Variants in NLRP7 observed in about 807,000 individuals in gnomAD.
The protein encoded by NLRP7 is NACHT, LRR and PYD domains-containing protein 7.
A neutral mutation model predicts 85.5 loss-of-function variants in NLRP7; 72 were observed. The ratio of observed to expected loss-of-function variants is 0.84; its 90% CI spans 0.70 to 1.02. NLRP7 has a LOEUF of 1.02. Ranked by LOEUF, NLRP7 falls within the 50% of genes least tolerant of loss-of-function variation. NLRP7 has a pLI of 0.00. For missense variants in NLRP7, 1,243 were observed against 1,219.5 expected, an observed-to-expected ratio of 1.02 and a Z score of -0.29; for synonymous variants, 550 against 505.2, an observed-to-expected ratio of 1.09 and a Z score of -1.19.
chr19:54,956,664 A>G (rs914087692), intron 1 of NLRP7, among the ~76,000 whole-genome samples: 1 of 150,956 alleles, frequency 6.6e-6, no homozygotes, highest in African/African-American at 2.4e-5. Flanking sequence ...TTTGCACTCC[A>G]GCCTGGGAGA....
At chr19:54,955,798 G>A (rs1310183056) in intron 1 of NLRP7, among the ~76,000 whole-genome samples, 1 of 151,970 alleles carries the variant, frequency 6.6e-6, no homozygotes, top group African/African-American at 2.4e-5. Flanking sequence ...AGTGAGCTGT[G>A]ATCCTCAACC....
Position 54,926,693 on chromosome 19 carries a change from ATCACCTGAGGTCAGG to A in NLRP7, c.2811-2836_2811-2822del, listed in dbSNP as rs1373931239. ...CACTTTGGGAGGCCAAGGCGAGAAG[ATCACCTGAGGTCAGG>A]AGCTCGAGACCAGCCTGGCCAACAT... On this transcript the variant is annotated intron_variant, in intron 9 of 9. Coordinates refer to ENST00000340844, the Ensembl canonical transcript of NLRP7. Among the ~76,000 whole-genome samples, 4 of 152,042 alleles carry A rather than the reference ATCACCTGAGGTCAGG, an allele frequency of 2.6e-5. No individual in the cohort carries two copies. In the South Asian group the frequency reaches 8.3e-4, roughly 32 times the overall value.
intron 1 of NLRP7, among the ~76,000 whole-genome samples, chr19:54,962,821 C>G (rs775847): frequency 0.65 from 95,831 of 146,544 alleles, 31,719 homozygotes; most frequent in African/African-American, 0.8. Flanking sequence ...GGATGGTCTC[C>G]ATCTCCTGAC....
chr19:54,952,276 T>C (rs1370120628), upstream of NLRP7, among the ~76,000 whole-genome samples: 1 of 151,926 alleles, frequency 6.6e-6, no homozygotes, highest in Non-Finnish European at 1.5e-5. Context: ...GGCCACACTC[T>C]GGCCCACACC....
At chr19:54,960,846 C>T (rs550974967) in intron 1 of NLRP7, among the ~76,000 whole-genome samples, 2 of 151,970 alleles carry the variant, frequency 1.3e-5, no homozygotes, top group South Asian at 2.1e-4. Flanking sequence ...CCGCTTGCCT[C>T]GGCCTCCCAA....
rs752964839 is a variant in NLRP7 at position 54,954,398 on chromosome 19, CG to C, written c.-76-6894del. On this transcript the variant is annotated intron_variant, in intron 1 of 2. Coordinates refer to the NLRP7 transcript ENST00000587103. ...ACAACTAATTAGCTGGGTGCGGTGGCGGGCGCCTGTAGTCCCAGCTACTCGG... is the reference window on the plus strand; with the variant it reads ...ACAACTAATTAGCTGGGTGCGGTGGCGGCGCCTGTAGTCCCAGCTACTCGG... 1.2e-3 allele frequency among the ~76,000 whole-genome samples: 173 copies of C among 145,040 alleles called. 13 individuals carry two copies. The highest frequency in any genetic ancestry group is 1.4e-3 in the Non-Finnish European group (91 of 66,318).
At chr19:54,954,552 AGGG>A in intron 1 of NLRP7, among the ~76,000 whole-genome samples, 1 of 147,560 alleles carries the variant, frequency 6.8e-6, no homozygotes, top group African/African-American at 2.5e-5. Context: ...AAAAAAAAAA[AGGG>A]CAACCGAGGC....
At chr19:54,962,463 A>T (rs775841) in intron 1 of NLRP7, among the ~76,000 whole-genome samples, 1 of 149,876 alleles carries the variant, frequency 6.7e-6, no homozygotes, top group Non-Finnish European at 1.5e-5. Context: ...TAGAGATGGG[A>T]TTTCACCATG....
chr19:54,934,564 T>C lies in NLRP7; in HGVS notation c.2396A>G (p.Asn799Ser), dbSNP rs556133069. The C allele has an allele frequency of 3.9e-5, 63 of 1,614,054 alleles. No homozygotes were observed. The South Asian group carries it at 6.3e-4, about 16-fold the overall frequency. The change falls in exon 7 of 10, where the codon AAT (asparagine) becomes AGT (serine). Residue 799 changes from asparagine (N) to serine (S), a missense_variant. Asn to Ser is a conservative substitution (Grantham distance 46). Transcript: ENST00000340844. The surrounding 1 kb of genome is among the most constrained non-coding windows in gnomAD (Gnocchi z 6.7). ...CATGGCACCCTCATCCAGGAGCACATTGGCTGAGAGACGCAGGTGCTTCAG... is the reference window on the plus strand; with the variant it reads ...CATGGCACCCTCATCCAGGAGCACACTGGCTGAGAGACGCAGGTGCTTCAG...
chr19:54,925,012 T>C (rs911407793), intron 9 of NLRP7, among the ~76,000 whole-genome samples: 22 of 151,526 alleles, frequency 1.5e-4, no homozygotes, highest in African/African-American at 5.3e-4. Flanking sequence ...AACCCCAGGG[T>C]TAATGATAGC....
chr19:54,962,656 G>A lies in NLRP7; in HGVS notation c.-77+3384C>T, dbSNP rs1041493044. On this transcript the variant is annotated intron_variant, in intron 1 of 2. Coordinates refer to the NLRP7 transcript ENST00000587103. ...GCTCTGTCACCCAGGCTGGAGTGCA[G>A]TGGCGCGATCTCAGCTCACTGCAAG... 3.3e-5 allele frequency among the ~76,000 whole-genome samples: 5 copies of A among 150,450 alleles called. No individual in the cohort carries two copies. In the East Asian group the frequency reaches 9.9e-4, roughly 30 times the overall value.
At chr19:54,953,590 G>C (rs946898128) in intron 1 of NLRP7, among the ~76,000 whole-genome samples, 4 of 148,678 alleles carry the variant, frequency 2.7e-5, no homozygotes, top group East Asian at 1.9e-4. Context: ...CATTCCTGGG[G>C]CGCGGGGCTG....
chr19:54,947,858 GA>G (rs1187748828), upstream of NLRP7: 6 of 201,298 alleles, frequency 3.0e-5, no homozygotes, highest in East Asian at 1.5e-4. Context: ...CTCTTGTAGA[GA>G]AAAAAAATTA....
intron 5 of NLRP7, among the ~76,000 whole-genome samples, chr19:54,936,937 G>A (rs2068955396): frequency 1.3e-5 from 2 of 151,566 alleles, no homozygotes; most frequent in African/African-American, 2.4e-5. Flanking sequence ...AATTCGCCGG[G>A]TGTGGTGGCT....
intron 1 of NLRP7, among the ~76,000 whole-genome samples, chr19:54,960,038 C>G (rs2069987124): frequency 1.3e-5 from 2 of 152,018 alleles, no homozygotes; most frequent in African/African-American, 4.8e-5. Context: ...ATACTCTGTT[C>G]TAACCACGTA....
At chr19:54,951,291 A>G (rs1372945871), upstream of NLRP7, among the ~76,000 whole-genome samples, 1 of 152,160 alleles carries the variant, frequency 6.6e-6, no homozygotes, top group East Asian at 1.9e-4. Context: ...TCAGGCCTGT[A>G]ATCCCAGCAC....
intron 1 of NLRP7, among the ~76,000 whole-genome samples, chr19:54,954,016 A>C (rs1236953482): frequency 6.7e-6 from 1 of 148,758 alleles, no homozygotes; most frequent in Non-Finnish European, 1.5e-5. Context: ...CAAAAAAATA[A>C]AAAATAAATA....
chr19:54,940,008 C>T (rs148806846), exon 4 of NLRP7: 10 of 1,614,046 alleles, frequency 6.2e-6, no homozygotes, highest in Non-Finnish European at 8.5e-6. Context: ...TCCCAGTCCC[C>T]GCAGATGTCC....
upstream of NLRP7, among the ~76,000 whole-genome samples, chr19:54,949,257 G>A (rs377583797): frequency 6.0e-5 from 9 of 149,890 alleles, no homozygotes; most frequent in East Asian, 7.8e-4. Context: ...CAGCCTGGGC[G>A]ACAGAGACTC....
Sources: gnomAD v4.1 joint callset for allele counts (sites outside exome capture counted in the v4.1 genomes callset) on GRCh38, gnomAD v4.1.1 for gene constraint, Gnocchi (gnomAD v3.1) non-coding constraint, MANE v1.5 for transcripts, NCBI Gene and HGNC (gene_info 2026-07-23, HGNC 2026-07-21) for gene names.